DOCK3: variants seen among roughly 807,000 people sequenced by gnomAD.
The protein encoded by DOCK3 is dedicator of cytokinesis protein 3.
In DOCK3, 60 loss-of-function variants were observed where a neutral mutation model predicts 265.6. The ratio of observed to expected loss-of-function variants is 0.23; its 90% CI spans 0.18 to 0.28. The LOEUF (loss-of-function observed/expected upper bound fraction) is 0.28. Among genes scored for constraint, DOCK3 ranks in the 10% least tolerant of loss-of-function variants. The probability of loss-of-function intolerance (pLI) is 1.00; values close to 1 mark genes in which losing one functional copy is unlikely to be tolerated. For synonymous variants in DOCK3, 881 were observed against 938.0 expected, an observed-to-expected ratio of 0.94 and a Z score of 1.11; for missense variants, 1,981 against 2,594.3, an observed-to-expected ratio of 0.76 and a Z score of 5.14.
At position 51,310,105 on chromosome 3, in the gene DOCK3, CAGAG is replaced by C. The variant is rs773862833; in HGVS notation, c.2923-123_2923-120del. On this transcript the variant is annotated intron_variant, in intron 27 of 52. Transcript: ENST00000266037. Reference sequence around the variant, plus strand: ...AGCCCTCTAAGAGAGAAACAACTCACAGAGAGAACCAGATCTAACTCACTGGTCC... The same window carrying C: ...AGCCCTCTAAGAGAGAAACAACTCACAGAACCAGATCTAACTCACTGGTCC... 6.4e-5 allele frequency: 47 copies of C among 733,134 alleles called. No homozygotes were observed. The East Asian group carries it at 1.2e-3, about 19-fold the overall frequency. The allele number at this position is 733,134 out of a possible 1,614,324, so 45.4% of individuals were successfully genotyped here.
At chr3:50,884,674 G>A (rs1009476520) in intron 3 of DOCK3, among the ~76,000 whole-genome samples, 4 of 151,610 alleles carry the variant, frequency 2.6e-5, no homozygotes, top group African/African-American at 9.7e-5. Flanking sequence ...TCTTGAATGT[G>A]TACGTTTATG....
At chr3:50,738,931 T>G (rs2038825315) in intron 1 of DOCK3, among the ~76,000 whole-genome samples, 1 of 152,158 alleles carries the variant, frequency 6.6e-6, no homozygotes, top group Admixed American at 6.5e-5. Context: ...TTTTTGTAGG[T>G]CCAGGCACAA....
intron 3 of DOCK3, among the ~76,000 whole-genome samples, chr3:50,860,902 C>A (rs967029745): frequency 4.6e-5 from 7 of 152,228 alleles, no homozygotes; most frequent in Non-Finnish European, 7.3e-5. Context: ...GGGGTACATA[C>A]AGCAGTCTAA....
chr3:51,049,164 A>G (rs2080893237), intron 5 of DOCK3, among the ~76,000 whole-genome samples: 1 of 152,230 alleles, frequency 6.6e-6, no homozygotes, highest in East Asian at 1.9e-4. Context: ...TGTCTTTACA[A>G]AAAATTCAAA....
intron 1 of DOCK3, among the ~76,000 whole-genome samples, chr3:50,771,577 T>C (rs2041276873): frequency 6.6e-6 from 1 of 151,980 alleles, no homozygotes; most frequent in South Asian, 2.1e-4. Flanking sequence ...ACTGGCCGGG[T>C]GTGGTGGCTC....
chr3:51,075,521 C>A, intron 7 of DOCK3, 81 bp downstream of exon 7: 1 of 1,222,486 alleles, frequency 8.2e-7, no homozygotes, highest in Non-Finnish European at 1.1e-6. Flanking sequence ...TGTTATGAAA[C>A]AACATTGCTA....
At chr3:51,197,281 T>C (rs1336103258) in intron 12 of DOCK3, among the ~76,000 whole-genome samples, 2 of 152,032 alleles carry the variant, frequency 1.3e-5, no homozygotes, top group East Asian at 3.9e-4. Context: ...CAATTATTGG[T>C]GGGTCAGTTG....
chr3:51,158,180 A>G (rs2085949047), intron 10 of DOCK3, among the ~76,000 whole-genome samples: 1 of 152,216 alleles, frequency 6.6e-6, no homozygotes, highest in Non-Finnish European at 1.5e-5. Flanking sequence ...TGTTATTTCA[A>G]GTACAATACA....
chr3:51,225,897 C>T, intron 15 of DOCK3, 124 bp downstream of exon 15: 1 of 1,288,356 alleles, frequency 7.8e-7, no homozygotes, highest in Non-Finnish European at 1.0e-6. Context: ...TTTTTCTCTG[C>T]CTTTTTCTTT....
chr3:51,148,906 G>A (rs975075001), intron 10 of DOCK3, among the ~76,000 whole-genome samples: 29 of 152,094 alleles, frequency 1.9e-4, no homozygotes, highest in Non-Finnish European at 3.4e-4. Context: ...TGATGGGGAT[G>A]GCATTGAATC....
intron 1 of DOCK3, among the ~76,000 whole-genome samples, chr3:50,733,377 T>A (rs1023506471): frequency 2.6e-5 from 4 of 152,244 alleles, no homozygotes; most frequent in African/African-American, 9.6e-5. Flanking sequence ...TTAGATCTGT[T>A]AATATTTGCT....
intron 12 of DOCK3, among the ~76,000 whole-genome samples, chr3:51,204,971 A>G (rs892127554): frequency 1.1e-4 from 16 of 151,832 alleles, no homozygotes; most frequent in Non-Finnish European, 2.4e-4. Flanking sequence ...AACAATGGGA[A>G]CACATGGACA....
intron 14 of DOCK3, among the ~76,000 whole-genome samples, chr3:51,216,162 T>G (rs1449210953): frequency 6.6e-6 from 1 of 152,206 alleles, no homozygotes; most frequent in African/African-American, 2.4e-5. Context: ...TTCGTGATAG[T>G]CTTCACATAC....
At chr3:51,366,428 CA>C (rs943903974) in intron 49 of DOCK3, among the ~76,000 whole-genome samples, 19 of 151,478 alleles carry the variant, frequency 1.3e-4, no homozygotes, top group African/African-American at 4.6e-4. Context: ...TTTATCTTTT[CA>C]AAAAAAACCA....
intron 11 of DOCK3, among the ~76,000 whole-genome samples, chr3:51,159,973 C>A (rs2086052903): frequency 6.6e-6 from 1 of 152,172 alleles, no homozygotes; most frequent in African/African-American, 2.4e-5. Context: ...CAGCTATTTG[C>A]TGTACTAAAT....
intron 3 of DOCK3, among the ~76,000 whole-genome samples, chr3:50,874,066 G>T (rs371798715): frequency 0.012 from 1,250 of 104,016 alleles, 7 homozygotes; most frequent in African/African-American, 0.025. Context: ...CTTTTCTTTT[G>T]TTTTTTTTTT....
intron 23 of DOCK3, among the ~76,000 whole-genome samples, chr3:51,266,190 A>C (rs2080154157): frequency 6.6e-6 from 1 of 152,194 alleles, no homozygotes; most frequent in African/African-American, 2.4e-5. Context: ...GACACAGACA[A>C]ATGGAAAAAC....
At chr3:51,198,579 CAA>C (rs33915233) in intron 12 of DOCK3, among the ~76,000 whole-genome samples, 15 of 131,138 alleles carry the variant, frequency 1.1e-4, no homozygotes, top group East Asian at 8.8e-4. Flanking sequence ...GACAGGTCAC[CAA>C]AAAAAAAAAA....
At chr3:51,360,004 A>G (rs2086616169) in intron 46 of DOCK3, among the ~76,000 whole-genome samples, 1 of 152,210 alleles carries the variant, frequency 6.6e-6, no homozygotes, top group Non-Finnish European at 1.5e-5. Flanking sequence ...GCTATTTTTC[A>G]GTTACATACA....
Sources: allele counts gnomAD v4.1 joint callset (sites outside exome capture counted in the v4.1 genomes callset), GRCh38; gene constraint gnomAD v4.1.1; transcripts MANE v1.5; gene names NCBI Gene and HGNC (gene_info 2026-07-23, HGNC 2026-07-21).